Variants in POLH observed in about 807,000 individuals in gnomAD.
POLH encodes DNA polymerase eta transcript.
In POLH, 53 loss-of-function variants were observed where a neutral mutation model predicts 73.6. The ratio of observed to expected loss-of-function variants is 0.72; its 90% CI spans 0.58 to 0.91. POLH has a LOEUF of 0.91. Ranked by LOEUF, POLH falls within the 40% of genes least tolerant of loss-of-function variation. POLH has a pLI of 0.00. For missense variants in POLH, 768 were observed against 865.4 expected (o/e 0.89, Z 1.41); for synonymous variants, 292 against 308.5 (o/e 0.95, Z 0.56).
intron 1 of POLH, among the ~76,000 whole-genome samples, chr6:43,581,940 T>G (rs1764325030): frequency 6.6e-6 from 1 of 152,106 alleles, no homozygotes; most frequent in South Asian, 2.1e-4. Flanking sequence ...AAACTGTTTT[T>G]TCCACTCAGG....
chr6:43,586,442 T>C (rs1422515839), intron 3 of POLH, among the ~76,000 whole-genome samples: 2 of 152,144 alleles, frequency 1.3e-5, no homozygotes, highest in African/African-American at 4.8e-5. Context: ...GATGCCACTA[T>C]TGCACTCCAG....
intron 4 of POLH, among the ~76,000 whole-genome samples, chr6:43,595,900 G>C (rs570093746): frequency 1.3e-5 from 2 of 150,972 alleles, no homozygotes; most frequent in South Asian, 2.1e-4. Context: ...CACATATTAA[G>C]AACAATGAAT....
At chr6:43,599,123 G>A (rs188457230) in intron 5 of POLH, among the ~76,000 whole-genome samples, 1 of 151,516 alleles carries the variant, frequency 6.6e-6, no homozygotes, top group African/African-American at 2.4e-5. Context: ...CGAGTAGCTG[G>A]GATTACAGGT....
chr6:43,582,727 T>C (rs921022686), intron 2 of POLH, among the ~76,000 whole-genome samples: 10 of 151,814 alleles, frequency 6.6e-5, no homozygotes, highest in African/African-American at 2.2e-4. Context: ...TGGGGATTGG[T>C]TGGGGGGGCA....
In POLH at chr6:43,587,485, G is replaced by T. The variant is rs1764957895; in HGVS notation, c.486G>T (p.Gln162His). 1 of 1,608,936 alleles carries T rather than the reference G, an allele frequency of 6.2e-7. No homozygotes were observed. Among genetic ancestry groups the T allele is most frequent in the Non-Finnish European group, 8.5e-7 (1 of 1,175,232 alleles). Residue 162 changes from glutamine to histidine, a missense_variant, in exon 4 of 11, where the codon CAG (glutamine) becomes CAT (histidine). Gln to His is a conservative substitution (Grantham distance 24). Coordinates refer to ENST00000372236, the MANE Select transcript of POLH (RefSeq NM_006502.3). ...QGPTTAEETV[Q>H]KEGMRKQGLF... ...CTACAACGGCAGAAGAGACTGTTCA[G>T]AAAGGTACTTCCATAGCATCATACT...
At chr6:43,598,106 G>A (rs1266423617) in intron 5 of POLH, among the ~76,000 whole-genome samples, 1 of 151,282 alleles carries the variant, frequency 6.6e-6, no homozygotes, top group Non-Finnish European at 1.5e-5. Context: ...TCAGGAGGCT[G>A]AGATGGGAGG....
intron 4 of POLH, among the ~76,000 whole-genome samples, chr6:43,592,404 CTTTTTTT>C (rs897203358): frequency 7.6e-6 from 1 of 131,818 alleles, no homozygotes; most frequent in South Asian, 2.4e-4. Flanking sequence ...TTTGTATCTT[CTTTTTTT>C]TTTTTTTTTT....
At chr6:43,580,305 ACTT>A (rs1763891993) in intron 1 of POLH, among the ~76,000 whole-genome samples, 1 of 141,908 alleles carries the variant, frequency 7.0e-6, no homozygotes, top group African/African-American at 2.6e-5. Context: ...TCCCATGTCT[ACTT>A]CTTTCTACAC....
Position 43,615,219 on chromosome 6 carries a change from A to T in POLH, c.*662A>T, listed in dbSNP as rs1040232734. 5.9e-5 allele frequency: 9 copies of T among 152,712 alleles called. No homozygotes were observed. Among genetic ancestry groups the T allele is most frequent in the African/African-American group, 2.2e-4 (9 of 41,562 alleles). 9.5% of individuals were successfully genotyped at this position (152,712 alleles called of 1,614,324 possible). A position where few individuals can be genotyped will look rare whatever the true frequency, so the allele number is the denominator to read the frequency against. On this transcript the variant is annotated 3_prime_UTR_variant, in exon 11 of 11. Transcript: ENST00000372236. ...GCGGAGGTTGCATTGAGCTGAGATC[A>T]TGCTAGTGCGCTCCAGCCTGGGCAA... is the stretch of plus-strand genomic sequence containing the variant.
At chr6:43,577,851 G>A (rs1190172335) in intron 1 of POLH, among the ~76,000 whole-genome samples, 1 of 152,106 alleles carries the variant, frequency 6.6e-6, no homozygotes, top group Non-Finnish European at 1.5e-5. Flanking sequence ...TTGGGAGGCC[G>A]AGGCGGGCGG....
intron 6 of POLH, among the ~76,000 whole-genome samples, chr6:43,603,234 C>T (rs1259038697): frequency 6.6e-6 from 1 of 152,050 alleles, no homozygotes; most frequent in Non-Finnish European, 1.5e-5. Context: ...TCAAGTGATC[C>T]TCCCACCTCA....
intron 4 of POLH, among the ~76,000 whole-genome samples, chr6:43,592,793 A>G (rs1426281093): frequency 6.6e-6 from 1 of 152,206 alleles, no homozygotes; most frequent in East Asian, 1.9e-4. Flanking sequence ...GAAATTGTCA[A>G]GGTGAAACTT....
intron 5 of POLH, among the ~76,000 whole-genome samples, chr6:43,598,600 C>T (rs1479436101): frequency 2.0e-5 from 3 of 150,170 alleles, no homozygotes; most frequent in South Asian, 2.1e-4. Flanking sequence ...TGCCACTGCA[C>T]GCCAGCCTGG....
In POLH at chr6:43,617,932, C is replaced by A. The variant is rs1768457800; in HGVS notation, c.*3375C>A. Reference sequence around the variant, plus strand: ...AGACTGTCTCAAAAAAAAAAAAATTCCCAATGTGTATCTTAAAGTTTGAGA... The same window carrying A: ...AGACTGTCTCAAAAAAAAAAAAATTACCAATGTGTATCTTAAAGTTTGAGA... On this transcript the variant is annotated 3_prime_UTR_variant, in exon 11 of 11. Transcript: ENST00000372236. 6.6e-6 allele frequency among the ~76,000 whole-genome samples: 1 copy of A among 151,634 alleles called. No homozygotes were observed. Among genetic ancestry groups the A allele is most frequent in the African/African-American group, 2.4e-5 (1 of 41,074 alleles).
At chr6:43,578,143 T>C (rs1340706367) in intron 1 of POLH, among the ~76,000 whole-genome samples, 1 of 151,662 alleles carries the variant, frequency 6.6e-6, no homozygotes, top group Non-Finnish European at 1.5e-5. Flanking sequence ...TCCCAGCACT[T>C]TGGGAGGCCG....
At chr6:43,597,636 T>A in intron 4 of POLH, 60 bp from the exon 5 acceptor site, 1 of 1,462,026 alleles carries the variant, frequency 6.8e-7, no homozygotes, top group Non-Finnish European at 9.5e-7. Flanking sequence ...CTACATTAGA[T>A]AGCACAATTA....
intron 1 of POLH, among the ~76,000 whole-genome samples, chr6:43,577,699 T>C: frequency 6.6e-6 from 1 of 152,202 alleles, no homozygotes; most frequent in East Asian, 1.9e-4. Context: ...CCTGTGTTTC[T>C]CGTATTTAAA....
At chr6:43,584,984 TA>T (rs1764643596) in intron 3 of POLH, among the ~76,000 whole-genome samples, 1 of 151,770 alleles carries the variant, frequency 6.6e-6, no homozygotes, top group African/African-American at 2.4e-5. Context: ...CTACCAAAAT[TA>T]AAACAAAAAC....
chr6:43,617,216 T>G lies in POLH; in HGVS notation c.*2659T>G, dbSNP rs9462906. 2.0e-5 allele frequency among the ~76,000 whole-genome samples: 3 copies of G among 152,042 alleles called. No individual in the cohort carries two copies. The highest frequency in any genetic ancestry group is 7.2e-5 in the African/African-American group (3 of 41,396). On this transcript the variant is annotated 3_prime_UTR_variant, in exon 11 of 11. Coordinates refer to ENST00000372236, the MANE Select transcript of POLH (RefSeq NM_006502.3). ...AACCCACTAGATCATCTCTAGAACA[T>G]TGCTACTCCCAAGTATGATTTGAGG...
Sources: gnomAD v4.1 joint callset for allele counts (sites outside exome capture counted in the v4.1 genomes callset) on GRCh38, gnomAD v4.1.1 for gene constraint, MANE v1.5 for transcripts, NCBI Gene and HGNC (gene_info 2026-07-23, HGNC 2026-07-21) for gene names.